ATP13A5: variants seen among roughly 807,000 people sequenced by gnomAD.
ATP13A5 encodes the protein probable cation-transporting ATPase 13A5.
Under a neutral mutation model 150.2 loss-of-function variants are expected in ATP13A5, and 149 were observed. The observed-to-expected ratio is 0.99, with a 90% confidence interval of 0.87 to 1.14. The LOEUF (loss-of-function observed/expected upper bound fraction) is 1.14, where lower values mean the gene tolerates loss of function less well. Ranked by LOEUF, ATP13A5 falls within the 50% of genes most tolerant of loss-of-function variation. The probability of loss-of-function intolerance (pLI) is 0.00; values close to 1 mark genes in which losing one functional copy is unlikely to be tolerated. For synonymous variants in ATP13A5, 497 were observed against 522.2 expected (o/e 0.95, Z 0.66); for missense variants, 1,383 against 1,449.3 (o/e 0.95, Z 0.74).
In ATP13A5 at chr3:193,354,215, C is replaced by T. The variant is rs1363985337; in HGVS notation, c.537-19G>A. On this transcript the variant is annotated intron_variant, in intron 5 of 29. Coordinates refer to ENST00000342358, the MANE Select transcript of ATP13A5 (RefSeq NM_198505.4). ...TAATCTTCTGCGGGAAATTGATCAT[C>T]CATTAGTGTCATAGCTACAAGCACA... The T allele has an allele frequency of 1.2e-6, 2 of 1,604,434 alleles. No homozygotes were observed. Among genetic ancestry groups the T allele is most frequent in the Non-Finnish European group, 1.7e-6 (2 of 1,176,682 alleles).
intron 3 of ATP13A5, among the ~76,000 whole-genome samples, chr3:193,362,935 C>T (rs968244340): frequency 2.6e-5 from 4 of 152,104 alleles, no homozygotes; most frequent in African/African-American, 9.7e-5. Flanking sequence ...GCTGGGACTA[C>T]AGGCAAGCAC....
At chr3:193,354,052 G>T in intron 6 of ATP13A5, 75 bp downstream of exon 6, 1 of 1,194,646 alleles carries the variant, frequency 8.4e-7, no homozygotes, top group Non-Finnish European at 1.2e-6. Context: ...AAGTATTTAT[G>T]TGTTCCTTCT....
chr3:193,351,236 A>G (rs1230335367), intron 6 of ATP13A5, 35 bp from the exon 7 acceptor site: 4 of 1,612,650 alleles, frequency 2.5e-6, no homozygotes, highest in East Asian at 2.2e-5. Context: ...GGTCACTTGC[A>G]TGAACCTTAG....
chr3:193,330,110 C>T (rs1711572726), intron 12 of ATP13A5, among the ~76,000 whole-genome samples: 1 of 152,152 alleles, frequency 6.6e-6, no homozygotes, highest in Non-Finnish European at 1.5e-5. Context: ...CCCTTGTACC[C>T]CTGTGCTTGT....
At chr3:193,325,917 C>T (rs1719451409) in intron 13 of ATP13A5, among the ~76,000 whole-genome samples, 1 of 152,116 alleles carries the variant, frequency 6.6e-6, no homozygotes, top group African/African-American at 2.4e-5. Flanking sequence ...TCTTTTTTCC[C>T]TTTCACTGCT....
At chr3:193,329,794 C>T (rs3845934) in intron 12 of ATP13A5, among the ~76,000 whole-genome samples, 120,374 of 152,158 alleles carry the variant, frequency 0.79, 47,905 homozygotes, top group East Asian at 0.96. Flanking sequence ...TACTCTCCAT[C>T]CTTGTCCTTT....
intron 25 of ATP13A5, among the ~76,000 whole-genome samples, chr3:193,291,147 T>C (rs1717936465): frequency 2.0e-5 from 3 of 152,158 alleles, no homozygotes; most frequent in African/African-American, 7.2e-5. Flanking sequence ...TGGTCCTTCA[T>C]TTTCTCACAT....
Position 193,276,818 on chromosome 3 carries a change from T to G in ATP13A5, c.3328A>C (p.Ile1110Leu). The G allele has an allele frequency of 1.2e-6, 2 of 1,613,448 alleles. No homozygotes were observed. Among genetic ancestry groups the G allele is most frequent in the Non-Finnish European group, 8.5e-7 (1 of 1,179,608 alleles). The change falls in exon 29 of 30, where the codon ATA (isoleucine) becomes CTA (leucine). Residue 1110 changes from isoleucine (I) to leucine (L), a missense_variant. Coordinates refer to ENST00000342358, the MANE Select transcript of ATP13A5 (RefSeq NM_198505.4). Reference protein sequence around the residue: ...IYRGMELIPTITSWRVLILVV... With the variant: ...IYRGMELIPTLTSWRVLILVV... ...AAAATTAAAACCCTCCACGATGTTATGGTTGGGATCAACTGTTGAAAAACA... is the reference window on the plus strand; with the variant it reads ...AAAATTAAAACCCTCCACGATGTTAGGGTTGGGATCAACTGTTGAAAAACA...
At chr3:193,290,792 A>G (rs1362359128) in intron 25 of ATP13A5, among the ~76,000 whole-genome samples, 1 of 152,204 alleles carries the variant, frequency 6.6e-6, no homozygotes, top group Admixed American at 6.6e-5. Context: ...AGACGACTAC[A>G]TCCTTAGTAG....
At chr3:193,364,379 C>T (rs1713162324) in intron 1 of ATP13A5, 99 bp from the exon 2 acceptor site, 1 of 1,435,908 alleles carries the variant, frequency 7.0e-7, no homozygotes, top group South Asian at 1.3e-5. Context: ...AGAATGTTGG[C>T]TGGGAGACAA....
chr3:193,314,054 T>C lies in ATP13A5; in HGVS notation c.2298A>G (p.Gln766=), dbSNP rs766994084. 3 of 1,613,358 alleles carry C rather than the reference T, an allele frequency of 1.9e-6. No individual in the cohort carries two copies. The highest frequency in any genetic ancestry group is 2.5e-6 in the Non-Finnish European group (3 of 1,179,842). The change falls in exon 19 of 30, where the codon CAA becomes CAG. Residue 766 remains glutamine, a synonymous_variant. Coordinates refer to ENST00000342358, the MANE Select transcript of ATP13A5 (RefSeq NM_198505.4). Reference sequence around the variant, plus strand: ...TCACTTTCTTCCCAGGTCCAGTCTCTTGGTTCTCCACCAGCTGCCAGGTCA... The same window carrying C: ...TCACTTTCTTCCCAGGTCCAGTCTCCTGGTTCTCCACCAGCTGCCAGGTCA... The part of the protein sequence containing the change: ...ASVTWQLVEN[Q]ETGPGKKEIY...
At chr3:193,299,957 C>T (rs980996303) in intron 24 of ATP13A5, among the ~76,000 whole-genome samples, 2 of 152,088 alleles carry the variant, frequency 1.3e-5, no homozygotes, top group African/African-American at 2.4e-5. Context: ...GAGAGTGAAT[C>T]CAAGTCCCAG....
chr3:193,349,413 A>C (rs1204121532), intron 7 of ATP13A5, among the ~76,000 whole-genome samples: 1 of 152,200 alleles, frequency 6.6e-6, no homozygotes, highest in African/African-American at 2.4e-5. Flanking sequence ...GCAAATTACA[A>C]GTATTAGAAA....
At chr3:193,370,071 T>C (rs1387706) in intron 1 of ATP13A5, among the ~76,000 whole-genome samples, 143,578 of 152,276 alleles carry the variant, frequency 0.94, 67,732 homozygotes, top group East Asian at 0.97. Flanking sequence ...AGAAATTGTG[T>C]CCATCTTCAC....
chr3:193,376,569 C>T (rs112952951), intron 1 of ATP13A5, among the ~76,000 whole-genome samples: 2,036 of 152,118 alleles, frequency 0.013, 45 homozygotes, highest in African/African-American at 0.046. Flanking sequence ...GGGGTACATG[C>T]GCAGGATGTG....
chr3:193,312,521 C>T (rs1294743337), intron 19 of ATP13A5, among the ~76,000 whole-genome samples: 1 of 152,232 alleles, frequency 6.6e-6, no homozygotes, highest in Non-Finnish European at 1.5e-5. Context: ...CCCTTTCCCT[C>T]CTTCCTTGCA....
At chr3:193,291,634 G>T (rs1717957702) in intron 25 of ATP13A5, among the ~76,000 whole-genome samples, 1 of 151,950 alleles carries the variant, frequency 6.6e-6, no homozygotes, top group East Asian at 1.9e-4. Context: ...TGGGGTTAGA[G>T]ACTAAGTTTG....
chr3:193,315,037 T>C lies in ATP13A5; in HGVS notation c.2093A>G (p.Lys698Arg). The stretch of plus-strand genomic sequence containing the variant: ...CTTCAAGACCAGTTTGGTTTCTTTT[T>C]TCAAGCGATTCTCCATGATGAGAAG... Reference protein sequence around the residue: ...LGLLIMENRLKKETKLVLKEL... With the variant: ...LGLLIMENRLRKETKLVLKEL... Residue 698 changes from lysine to arginine, a missense_variant, in exon 18 of 30, where the codon AAA becomes AGA. Transcript: ENST00000342358. The C allele has an allele frequency of 6.2e-7, 1 of 1,613,920 alleles. No individual in the cohort carries two copies. Among genetic ancestry groups the C allele is most frequent in the South Asian group, 1.1e-5 (1 of 91,074 alleles).
chr3:193,341,682 G>A (rs1261088395), intron 9 of ATP13A5, among the ~76,000 whole-genome samples: 6 of 152,170 alleles, frequency 3.9e-5, no homozygotes, highest in Admixed American at 6.5e-5. Flanking sequence ...CAAGGGTGAG[G>A]AAGACCACCT....
Sources: gnomAD v4.1 joint callset for allele counts (sites outside exome capture counted in the v4.1 genomes callset) on GRCh38, gnomAD v4.1.1 for gene constraint, MANE v1.5 for transcripts, NCBI Gene and HGNC (gene_info 2026-07-23, HGNC 2026-07-21) for gene names.